Variants in SDK1 observed in about 807,000 individuals in gnomAD.
SDK1 encodes protein sidekick-1.
A neutral mutation model predicts 245.5 loss-of-function variants in SDK1; 157 were observed. The observed-to-expected ratio is 0.64, with a 90% CI of 0.56 to 0.73. The LOEUF is 0.73. Among genes scored for constraint, SDK1 ranks in the 30% least tolerant of loss-of-function variants. SDK1 has a pLI of 0.00. For synonymous variants in SDK1, 1,647 were observed against 1,278.5 expected (o/e 1.29, Z -6.15); for missense variants, 3,583 against 3,002.3 (o/e 1.19, Z -4.52).
intron 5 of SDK1, among the ~76,000 whole-genome samples, chr7:3,846,117 G>T (rs1780271940): frequency 1.3e-5 from 2 of 152,254 alleles, no homozygotes; most frequent in Admixed American, 1.3e-4. Flanking sequence ...TATATGTTTA[G>T]GTTGCTGAGA....
intron 22 of SDK1, among the ~76,000 whole-genome samples, chr7:4,106,175 G>A (rs1193989344): frequency 6.6e-6 from 1 of 152,232 alleles, no homozygotes; most frequent in East Asian, 1.9e-4. Flanking sequence ...CAGAAGGCAG[G>A]TGAGGGGGTC....
At chr7:3,846,449 G>A (rs1330419902) in intron 5 of SDK1, among the ~76,000 whole-genome samples, 1 of 152,122 alleles carries the variant, frequency 6.6e-6, no homozygotes, top group Non-Finnish European at 1.5e-5. Context: ...AAAGAATATG[G>A]CACATTCATC....
intron 4 of SDK1, among the ~76,000 whole-genome samples, chr7:3,709,794 C>T (rs564763208): frequency 3.9e-5 from 6 of 152,160 alleles, no homozygotes; most frequent in African/African-American, 1.4e-4. Flanking sequence ...AACCAAACTT[C>T]TAATATCAAA....
chr7:4,077,540 C>T (rs1235834316), intron 21 of SDK1, among the ~76,000 whole-genome samples: 1 of 152,138 alleles, frequency 6.6e-6, no homozygotes, highest in African/African-American at 2.4e-5. Flanking sequence ...TTTCATGCTG[C>T]TGATAAAGAC....
chr7:4,220,247 A>T lies in SDK1; in HGVS notation c.5678A>T (p.Asn1893Ile), dbSNP rs149005994. The T allele has an allele frequency of 1.9e-6, 3 of 1,613,772 alleles. No homozygotes were observed. Among genetic ancestry groups the T allele is most frequent in the Non-Finnish European group, 2.5e-6 (3 of 1,179,952 alleles). ...ACCTACGGGCCCGAGCTCCAAGCCA[A>T]TATCACAGCCGGGCCAGCCGAGGGT... ...TITYGPELQA[N>I]ITAGPAEGSP... is the part of the protein sequence containing the mutation. Residue 1893 changes from asparagine (N) to isoleucine (I), a missense_variant, in exon 39 of 45, where the codon AAT becomes ATT. Physicochemically the swap from Asn to Ile is moderately radical, Grantham distance 149 (BLOSUM62 -3). Transcript: ENST00000404826.
At chr7:4,146,032 A>C in intron 29 of SDK1, 116 bp downstream of exon 29, 2 of 874,340 alleles carry the variant, frequency 2.3e-6, no homozygotes, top group Non-Finnish European at 1.8e-6. Context: ...TCGGAGAAAG[A>C]GAAGGGATGT....
intron 19 of SDK1, among the ~76,000 whole-genome samples, chr7:4,064,886 C>G (rs967992180): frequency 6.6e-6 from 1 of 151,680 alleles, no homozygotes; most frequent in Non-Finnish European, 1.5e-5. Flanking sequence ...ATGAAAGATA[C>G]TAGAGGCTGG....
chr7:4,106,869 G>A (rs1253044858), intron 22 of SDK1, among the ~76,000 whole-genome samples: 1 of 151,886 alleles, frequency 6.6e-6, no homozygotes, highest in Non-Finnish European at 1.5e-5. Flanking sequence ...AGCCCCTGTG[G>A]CTGAGAGCCT....
At chr7:4,218,266 G>A (rs757972879) in intron 38 of SDK1, among the ~76,000 whole-genome samples, 8 of 152,124 alleles carry the variant, frequency 5.3e-5, no homozygotes, top group African/African-American at 1.4e-4. Context: ...GGTGGCATGC[G>A]CCTGTAATCC....
chr7:3,792,656 A>G (rs780911280), intron 4 of SDK1, among the ~76,000 whole-genome samples: 1 of 151,044 alleles, frequency 6.6e-6, no homozygotes, highest in Non-Finnish European at 1.5e-5. Flanking sequence ...CTGTCCATCC[A>G]TCCATCTAAC....
chr7:3,611,310 GT>G (rs906750570), intron 1 of SDK1, among the ~76,000 whole-genome samples: 1 of 152,266 alleles, frequency 6.6e-6, no homozygotes, highest in East Asian at 1.9e-4. Context: ...GAATTACATA[GT>G]TTGGGAATTA....
At chr7:3,961,422 C>G (rs1204743389) in intron 8 of SDK1, among the ~76,000 whole-genome samples, 1 of 152,152 alleles carries the variant, frequency 6.6e-6, no homozygotes, top group Admixed American at 6.5e-5. Flanking sequence ...TCACACCTAC[C>G]CACACGCCAT....
At position 3,379,894 on chromosome 7, in the gene SDK1, T is replaced by C. The variant is rs1781443945; in HGVS notation, c.298+78010T>C. 3.9e-5 allele frequency among the ~76,000 whole-genome samples: 6 copies of C among 152,296 alleles called. No homozygotes were observed. In the South Asian group the frequency reaches 1.0e-3, roughly 26 times the overall value. ...TATTTTTCTATTTGGGATGCTCAGCTAGTTGATATGAGGCAGATATTCCCA... is the reference window on the plus strand; with the variant it reads ...TATTTTTCTATTTGGGATGCTCAGCCAGTTGATATGAGGCAGATATTCCCA... On this transcript the variant is annotated intron_variant, in intron 1 of 44. Transcript: ENST00000404826.
chr7:3,988,639 GC>G (rs1784058173), intron 14 of SDK1, among the ~76,000 whole-genome samples: 1 of 152,074 alleles, frequency 6.6e-6, no homozygotes, highest in Non-Finnish European at 1.5e-5. Context: ...CCCTGAATGG[GC>G]CAAATATCTC....
chr7:3,358,185 C>G (rs1780857810), intron 1 of SDK1, among the ~76,000 whole-genome samples: 1 of 152,008 alleles, frequency 6.6e-6, no homozygotes, highest in South Asian at 2.1e-4. Flanking sequence ...CCACCCCCAG[C>G]TAATTTTTGT....
chr7:3,906,686 G>C (rs1387666262), intron 5 of SDK1, among the ~76,000 whole-genome samples: 2 of 137,424 alleles, frequency 1.5e-5, no homozygotes, highest in African/African-American at 5.6e-5. Flanking sequence ...GGAGTGCAGT[G>C]GCAAGATCTC....
intron 4 of SDK1, among the ~76,000 whole-genome samples, chr7:3,795,005 C>T (rs1778928507): frequency 6.6e-6 from 1 of 152,142 alleles, no homozygotes; most frequent in African/African-American, 2.4e-5. Context: ...GTGCCAGGCA[C>T]TCTGCTAGAA....
intron 13 of SDK1, 77 bp downstream of exon 13, chr7:3,974,622 C>A: frequency 2.2e-6 from 3 of 1,376,328 alleles, no homozygotes; most frequent in Non-Finnish European, 3.1e-6. Context: ...ACTGCCACTT[C>A]ACAAGTGTCA....
At chr7:4,148,520 C>T (rs557000165) in intron 29 of SDK1, among the ~76,000 whole-genome samples, 3 of 152,138 alleles carry the variant, frequency 2.0e-5, no homozygotes, top group Admixed American at 6.5e-5. Context: ...GAGTAGATGC[C>T]GTAGATGCTT....
Sources: gnomAD v4.1 joint callset for allele counts (sites outside exome capture counted in the v4.1 genomes callset) on GRCh38, gnomAD v4.1.1 for gene constraint, MANE v1.5 for transcripts, NCBI Gene and HGNC (gene_info 2026-07-23, HGNC 2026-07-21) for gene names.